The following SFTPD variants were observed in gnomAD, a reference collection of about 807,000 sequenced individuals.
SFTPD encodes pulmonary surfactant-associated protein D.
Under a neutral mutation model 34.6 loss-of-function variants are expected in SFTPD, and 18 were observed. The ratio of observed to expected loss-of-function variants is 0.52; its 90% CI spans 0.36 to 0.77. The LOEUF (loss-of-function observed/expected upper bound fraction) is 0.77, where lower values mean the gene tolerates loss of function less well. Ranked by LOEUF, SFTPD falls within the 30% of genes least tolerant of loss-of-function variation. The probability of loss-of-function intolerance (pLI) is 0.00; values close to 1 mark genes in which losing one functional copy is unlikely to be tolerated. For synonymous variants in SFTPD, 155 were observed against 180.9 expected (o/e 0.86, Z 1.15); for missense variants, 433 against 468.9 (o/e 0.92, Z 0.71).
At chr10:79,943,144 C>T (rs892060945) in intron 2 of SFTPD, among the ~76,000 whole-genome samples, 2 of 152,144 alleles carry the variant, frequency 1.3e-5, no homozygotes, top group African/African-American at 4.8e-5. Context: ...TACCCCAAGG[C>T]CACTGTATTG....
chr10:79,947,700 A>G (rs1263748691), intron 1 of SFTPD, among the ~76,000 whole-genome samples: 1 of 152,166 alleles, frequency 6.6e-6, no homozygotes, highest in African/African-American at 2.4e-5. Flanking sequence ...AGAAAAAAAA[A>G]GAAGTCTTAT....
intron 1 of SFTPD, among the ~76,000 whole-genome samples, chr10:79,959,705 C>T (rs1202136453): frequency 6.6e-6 from 1 of 152,228 alleles, no homozygotes; most frequent in Non-Finnish European, 1.5e-5. Flanking sequence ...CAGCCAAATT[C>T]TACCAGAGGT....
At chr10:79,975,417 G>C (rs1482849391) in intron 1 of SFTPD, among the ~76,000 whole-genome samples, 1 of 152,108 alleles carries the variant, frequency 6.6e-6, no homozygotes, top group Non-Finnish European at 1.5e-5. Context: ...CCCCACACTT[G>C]TCCCATTGTT....
intron 1 of SFTPD, among the ~76,000 whole-genome samples, chr10:79,946,904 C>T (rs1842671534): frequency 6.6e-6 from 1 of 152,220 alleles, no homozygotes; most frequent in Admixed American, 6.5e-5. Flanking sequence ...TCCCCCATTC[C>T]CAGGTGCTCA....
intron 1 of SFTPD, among the ~76,000 whole-genome samples, chr10:79,961,150 A>G (rs1190457891): frequency 6.6e-6 from 1 of 152,204 alleles, no homozygotes; most frequent in African/African-American, 2.4e-5. Context: ...TTAATTCAAG[A>G]TGGATTAAAG....
chr10:79,962,213 T>C (rs1270097510), intron 1 of SFTPD, among the ~76,000 whole-genome samples: 1 of 149,696 alleles, frequency 6.7e-6, no homozygotes, highest in South Asian at 2.1e-4. Flanking sequence ...AGTTAATGGG[T>C]GCAGCACACC....
chr10:79,979,011 C>G (rs562245915), intron 1 of SFTPD, among the ~76,000 whole-genome samples: 1 of 152,026 alleles, frequency 6.6e-6, no homozygotes, highest in South Asian at 2.1e-4. Context: ...TTTCAGGATA[C>G]AAAACCAAAG....
chr10:79,948,843 C>G (rs549284822), intron 1 of SFTPD, among the ~76,000 whole-genome samples: 2 of 152,134 alleles, frequency 1.3e-5, no homozygotes, highest in Non-Finnish European at 2.9e-5. Context: ...CCCTGTGCAC[C>G]CCCAGCTCAG....
chr10:79,942,181 G>A (rs1842619835), intron 4 of SFTPD, 111 bp from the exon 5 acceptor site: 1 of 816,874 alleles, frequency 1.2e-6, no homozygotes, highest in South Asian at 1.6e-5. Context: ...GAGAGAAGTG[G>A]GGAGACTCTC....
intron 1 of SFTPD, among the ~76,000 whole-genome samples, chr10:79,947,540 A>C (rs2132503120): frequency 6.6e-6 from 1 of 152,256 alleles, no homozygotes; most frequent in Non-Finnish European, 1.5e-5. Context: ...AAGTATAAAA[A>C]ATTAGCCAGA....
chr10:79,964,301 C>T (rs537886718), intron 1 of SFTPD, among the ~76,000 whole-genome samples: 4 of 152,142 alleles, frequency 2.6e-5, no homozygotes, highest in Admixed American at 6.6e-5. Context: ...TTCTAAAGGT[C>T]GCTTTACTTC....
intron 1 of SFTPD, among the ~76,000 whole-genome samples, chr10:79,965,051 T>C (rs1842795980): frequency 6.6e-6 from 1 of 152,146 alleles, no homozygotes; most frequent in East Asian, 1.9e-4. Flanking sequence ...CACTTTACTG[T>C]CCTCAATCTT....
At chr10:79,978,766 G>A (rs963117206) in intron 1 of SFTPD, among the ~76,000 whole-genome samples, 1 of 145,420 alleles carries the variant, frequency 6.9e-6, no homozygotes, top group African/African-American at 2.5e-5. Flanking sequence ...ATTCTAAAAT[G>A]TTTTCCTTGA....
chr10:79,942,575 G>A (rs1842625048), intron 3 of SFTPD, 71 bp from the exon 4 acceptor site: 2 of 1,086,116 alleles, frequency 1.8e-6, no homozygotes, highest in Non-Finnish European at 2.8e-6. Flanking sequence ...GTAAGGTGAG[G>A]GTAATAACAG....
intron 1 of SFTPD, among the ~76,000 whole-genome samples, chr10:79,975,094 A>C (rs148101178): frequency 0.019 from 2,895 of 152,272 alleles, 101 homozygotes; most frequent in African/African-American, 0.066. Flanking sequence ...AAGCCTCTAA[A>C]TCACTCTCTC....
chr10:79,938,372 A>G, intron 7 of SFTPD, 144 bp from the exon 8 acceptor site: 1 of 722,344 alleles, frequency 1.4e-6, no homozygotes, highest in East Asian at 2.7e-5. Flanking sequence ...TGCAAGAGAG[A>G]TTGTTCCAGA....
At chr10:79,969,743 C>T (rs1231996507) in intron 1 of SFTPD, 1 of 151,996 alleles carries the variant, frequency 6.6e-6, no homozygotes, top group Non-Finnish European at 1.5e-5. Flanking sequence ...TTAAATCAGC[C>T]TATTGTTTTC....
chr10:79,937,886 C>A lies in SFTPD; in HGVS notation c.1094G>T (p.Cys365Phe). ...GCAGACCACAAGACGCTTTTCTCCA[C>A]AAGCCCTGTCATTCCACTTGCCATT... ...FTNGKWNDRACGEKRLVVCEF is the reference protein window; with the variant it reads ...FTNGKWNDRAFGEKRLVVCEF Residue 365 changes from cysteine to phenylalanine, a missense_variant, in exon 8 of 8, where the codon TGT (cysteine) becomes TTT (phenylalanine). Transcript: ENST00000372292. 6.4e-7 allele frequency: 1 copy of A among 1,566,656 alleles called. No homozygotes were observed. The highest frequency in any genetic ancestry group is 8.7e-7 in the Non-Finnish European group (1 of 1,151,696).
At chr10:79,959,202 A>C (rs1348042056) in intron 1 of SFTPD, among the ~76,000 whole-genome samples, 1 of 147,398 alleles carries the variant, frequency 6.8e-6, no homozygotes, top group Admixed American at 6.6e-5. Flanking sequence ...GGAAAGATCC[A>C]AAATTGACAC....
Sources: gnomAD v4.1 joint callset for allele counts (sites outside exome capture counted in the v4.1 genomes callset) on GRCh38, gnomAD v4.1.1 for gene constraint, MANE v1.5 for transcripts, NCBI Gene and HGNC (gene_info 2026-07-23, HGNC 2026-07-21) for gene names.